The following CALN1 variants were observed in gnomAD, a reference collection of about 807,000 sequenced individuals.
The protein encoded by CALN1 is calneuron 1.
Under a neutral mutation model 30.6 loss-of-function variants are expected in CALN1, and 17 were observed. The ratio of observed to expected loss-of-function variants is 0.56; its 90% CI spans 0.38 to 0.83. CALN1 has a LOEUF of 0.83. Ranked by LOEUF, CALN1 falls within the 40% of genes least tolerant of loss-of-function variation. The pLI is 0.00. For missense variants in CALN1, 291 were observed against 354.9 expected (o/e 0.82, Z 1.45); for synonymous variants, 156 against 131.4 (o/e 1.19, Z -1.28).
At chr7:71,908,075 TTC>T (rs752639836) in intron 5 of CALN1, among the ~76,000 whole-genome samples, 2 of 152,216 alleles carry the variant, frequency 1.3e-5, no homozygotes, top group Admixed American at 1.3e-4. Flanking sequence ...TTTTACTTGG[TTC>T]TGTTACCCTT....
At chr7:72,325,957 A>G (rs1211443838) in intron 2 of CALN1, among the ~76,000 whole-genome samples, 1 of 152,184 alleles carries the variant, frequency 6.6e-6, no homozygotes, top group East Asian at 1.9e-4. Flanking sequence ...GCTGGAATGC[A>G]GTGGCACAAT....
intron 3 of CALN1, among the ~76,000 whole-genome samples, chr7:72,114,314 C>A (rs929444181): frequency 8.0e-5 from 9 of 112,498 alleles, no homozygotes; most frequent in African/African-American, 2.9e-4. Flanking sequence ...GAAGGGAAGG[C>A]AACACTGTAG....
chr7:72,226,520 G>C (rs545201783), intron 3 of CALN1, among the ~76,000 whole-genome samples: 1 of 152,258 alleles, frequency 6.6e-6, no homozygotes, highest in East Asian at 1.9e-4. Context: ...ACCCCACATT[G>C]TTAGGACTTC....
intron 5 of CALN1, among the ~76,000 whole-genome samples, chr7:71,977,210 G>A (rs1798142977): frequency 6.6e-6 from 1 of 152,056 alleles, no homozygotes; most frequent in Non-Finnish European, 1.5e-5. Flanking sequence ...AGTGCTTTGG[G>A]AGGCCAAGGG....
chr7:71,806,370 G>T (rs12674225), intron 6 of CALN1, among the ~76,000 whole-genome samples: 3 of 149,642 alleles, frequency 2.0e-5, no homozygotes, highest in Admixed American at 1.3e-4. Context: ...GCAATGGCGC[G>T]ATCTTGGTTC....
At chr7:71,932,784 C>G (rs1404886297) in intron 5 of CALN1, among the ~76,000 whole-genome samples, 1 of 148,544 alleles carries the variant, frequency 6.7e-6, no homozygotes, top group Non-Finnish European at 1.5e-5. Flanking sequence ...TCACTGCACT[C>G]CAGCCTGGGT....
chr7:72,184,201 G>A (rs1487163329), intron 3 of CALN1, among the ~76,000 whole-genome samples: 1 of 152,118 alleles, frequency 6.6e-6, no homozygotes, highest in Non-Finnish European at 1.5e-5. Flanking sequence ...CGTCGTCTTC[G>A]AATACGTTGA....
chr7:72,393,635 C>CT (rs1805726047), intron 2 of CALN1, among the ~76,000 whole-genome samples: 1 of 152,188 alleles, frequency 6.6e-6, no homozygotes, highest in Non-Finnish European at 1.5e-5. Flanking sequence ...CTGGGCCCCC[C>CT]CCAGGCAAAT....
intron 3 of CALN1, among the ~76,000 whole-genome samples, chr7:72,205,551 A>AAATATATACACATATATATATAT: frequency 1.2e-5 from 1 of 83,052 alleles, no homozygotes; most frequent in African/African-American, 7.5e-5. Context: ...GCAAAAAAAA[A>AAATATATACACATATATATATAT]ATATATATAT....
chr7:72,405,895 G>A (rs1806664643), intron 1 of CALN1, among the ~76,000 whole-genome samples: 1 of 152,208 alleles, frequency 6.6e-6, no homozygotes, highest in African/African-American at 2.4e-5. Flanking sequence ...CCCCCAGGCA[G>A]TGTGGACATC....
At chr7:71,983,705 T>C (rs958853618) in intron 5 of CALN1, among the ~76,000 whole-genome samples, 3 of 152,144 alleles carry the variant, frequency 2.0e-5, no homozygotes, top group Non-Finnish European at 2.9e-5. Context: ...CTAATTTTTG[T>C]ATTTTTAGTA....
At chr7:72,468,534 G>A in the CALN1 span, among the ~76,000 whole-genome samples, 7 of 152,044 alleles carry the variant, frequency 4.6e-5, no homozygotes, top group East Asian at 5.8e-4. Flanking sequence ...GGCTAGTCTC[G>A]AACTCCTGAG....
intron 2 of CALN1, among the ~76,000 whole-genome samples, chr7:72,377,509 CATTT>C (rs1221055003): frequency 6.7e-6 from 1 of 148,852 alleles, no homozygotes; most frequent in African/African-American, 2.5e-5. Context: ...GAATGCTGAA[CATTT>C]TTTTGACTAT....
At chr7:72,025,799 A>G (rs989742944) in intron 4 of CALN1, among the ~76,000 whole-genome samples, 3 of 152,180 alleles carry the variant, frequency 2.0e-5, no homozygotes, top group African/African-American at 7.2e-5. Context: ...CTCAGAGTGC[A>G]TTCACCTTCA....
intron 5 of CALN1, among the ~76,000 whole-genome samples, chr7:71,998,994 T>C (rs369372329): frequency 6.6e-6 from 1 of 152,158 alleles, no homozygotes; most frequent in Non-Finnish European, 1.5e-5. Flanking sequence ...TAGACTTACA[T>C]AGATAATTAA....
chr7:72,046,709 TAA>T (rs59664699), intron 4 of CALN1, among the ~76,000 whole-genome samples: 288 of 51,834 alleles, frequency 5.6e-3, no homozygotes, highest in Admixed American at 6.9e-3. Context: ...GACTCCCTCT[TAA>T]AAAAAAAAAA....
At chr7:72,361,745 A>G (rs1427774069) in intron 2 of CALN1, among the ~76,000 whole-genome samples, 1 of 152,228 alleles carries the variant, frequency 6.6e-6, no homozygotes, top group Non-Finnish European at 1.5e-5. Context: ...ACGGAAAGGA[A>G]TAATCTATTT....
Position 72,428,397 on chromosome 7 carries a change from A to ATT in CALN1, c.-225-16124_-225-16123dup, listed in dbSNP as rs11459464. 5.7e-4 allele frequency among the ~76,000 whole-genome samples: 83 copies of ATT among 144,980 alleles called. 1 individual carries two copies. In the East Asian group the frequency reaches 7.3e-3, roughly 13 times the overall value. ...TTTTTTGTTTTTATTTTATTTTATT[A>ATT]TTTTTTTTTTTTGAGACACAGTCTT... On this transcript the variant is annotated intron_variant, in intron 1 of 6. Coordinates refer to the CALN1 transcript ENST00000395276.
chr7:72,132,333 T>C (rs1809208211), intron 3 of CALN1, among the ~76,000 whole-genome samples: 1 of 152,190 alleles, frequency 6.6e-6, no homozygotes, highest in Admixed American at 6.5e-5. Context: ...GAGTATCTCA[T>C]GTAATTTCTG....
Sources: allele counts gnomAD v4.1 joint callset (sites outside exome capture counted in the v4.1 genomes callset), GRCh38; gene constraint gnomAD v4.1.1; transcripts MANE v1.5; gene names NCBI Gene and HGNC (gene_info 2026-07-23, HGNC 2026-07-21).